The following CREB5 variants were observed in gnomAD, a reference collection of about 807,000 sequenced individuals.
The protein encoded by CREB5 is cAMP responsive element binding protein 5.
A neutral mutation model predicts 57.1 loss-of-function variants in CREB5; 19 were observed. The ratio of observed to expected loss-of-function variants is 0.33; its 90% CI spans 0.23 to 0.49. The LOEUF (loss-of-function observed/expected upper bound fraction) is 0.49. Among genes scored for constraint, CREB5 ranks in the 20% least tolerant of loss-of-function variants. The probability of loss-of-function intolerance (pLI) is 0.99; values close to 1 mark genes in which losing one functional copy is unlikely to be tolerated. For missense variants in CREB5, 579 were observed against 671.6 expected (o/e 0.86, Z 1.52); for synonymous variants, 238 against 238.3 (o/e 1.00, Z 0.01).
intron 1 of CREB5, among the ~76,000 whole-genome samples, chr7:28,414,865 T>A (rs1787965290): frequency 1.3e-5 from 2 of 152,070 alleles, no homozygotes; most frequent in Non-Finnish European, 2.9e-5. Flanking sequence ...CCACTAAAAT[T>A]TTTGAAGCTC....
At chr7:28,368,766 G>T (rs1317191324) in intron 1 of CREB5, among the ~76,000 whole-genome samples, 1 of 152,150 alleles carries the variant, frequency 6.6e-6, no homozygotes, top group Non-Finnish European at 1.5e-5. Context: ...GATTATATTG[G>T]TTGGGCCAAG....
chr7:28,540,530 T>A (rs1794164219), intron 4 of CREB5, among the ~76,000 whole-genome samples: 1 of 152,174 alleles, frequency 6.6e-6, no homozygotes, highest in South Asian at 2.1e-4. Flanking sequence ...CTGGGCTGCC[T>A]CTGCCCACAT....
At chr7:28,306,479 C>T (rs761092748) in intron 1 of CREB5, among the ~76,000 whole-genome samples, 27 of 123,672 alleles carry the variant, frequency 2.2e-4, no homozygotes, top group Non-Finnish European at 3.1e-4. Context: ...ATTTTTTGCT[C>T]ATCATGGCAC....
chr7:28,559,465 C>A (rs1794997615), intron 4 of CREB5, among the ~76,000 whole-genome samples: 1 of 152,124 alleles, frequency 6.6e-6, no homozygotes, highest in African/African-American at 2.4e-5. Context: ...CAGGCATGTG[C>A]CACCACACCC....
intron 1 of CREB5, among the ~76,000 whole-genome samples, chr7:28,329,428 T>C (rs1785671727): frequency 1.3e-5 from 2 of 152,232 alleles, no homozygotes; most frequent in African/African-American, 4.8e-5. Context: ...AAGAATAGAC[T>C]GAATTGGGGC....
At chr7:28,443,333 G>A (rs1789285859) in intron 1 of CREB5, among the ~76,000 whole-genome samples, 1 of 152,144 alleles carries the variant, frequency 6.6e-6, no homozygotes, top group Admixed American at 6.5e-5. Flanking sequence ...TTTTAATGTT[G>A]GGGGAAGCAG....
intron 5 of CREB5, among the ~76,000 whole-genome samples, chr7:28,624,003 T>TC (rs1797901293): frequency 6.6e-6 from 1 of 152,136 alleles, no homozygotes; most frequent in Non-Finnish European, 1.5e-5. Flanking sequence ...GATGACAACT[T>TC]CCTCCATTAT....
chr7:28,545,142 T>C (rs1794366266), intron 4 of CREB5, among the ~76,000 whole-genome samples: 1 of 152,132 alleles, frequency 6.6e-6, no homozygotes, highest in Non-Finnish European at 1.5e-5. Flanking sequence ...TTAGTAAAGT[T>C]CCCATTTTTG....
At chr7:28,346,273 G>A (rs1333814362) in intron 1 of CREB5, among the ~76,000 whole-genome samples, 1 of 152,248 alleles carries the variant, frequency 6.6e-6, no homozygotes, top group Non-Finnish European at 1.5e-5. Context: ...TCTGGAGGCT[G>A]AAGGTGTAAG....
chr7:28,315,952 C>T (rs1583666036), intron 1 of CREB5, among the ~76,000 whole-genome samples: 1 of 152,102 alleles, frequency 6.6e-6, no homozygotes, highest in East Asian at 1.9e-4. Context: ...GGAGACAGGT[C>T]CTGGTTTTTT....
At chr7:28,315,504 C>T (rs749926545) in intron 1 of CREB5, among the ~76,000 whole-genome samples, 10 of 152,216 alleles carry the variant, frequency 6.6e-5, no homozygotes, top group Non-Finnish European at 1.3e-4. Context: ...AAAACTTGTT[C>T]TGCAAAAGCA....
chr7:28,441,143 C>A (rs1291542273), intron 1 of CREB5, among the ~76,000 whole-genome samples: 1 of 152,132 alleles, frequency 6.6e-6, no homozygotes, highest in Non-Finnish European at 1.5e-5. Flanking sequence ...GATTTAAATA[C>A]CTTCCAGTGT....
chr7:28,601,580 G>A (rs1377544155), intron 5 of CREB5, among the ~76,000 whole-genome samples: 1 of 152,128 alleles, frequency 6.6e-6, no homozygotes, highest in African/African-American at 2.4e-5. Flanking sequence ...GTGTAGAGGA[G>A]TTAACCCACA....
intron 5 of CREB5, chr7:28,615,674 T>C (rs1317623902): frequency 6.6e-6 from 1 of 152,288 alleles, no homozygotes; most frequent in Admixed American, 6.5e-5. Context: ...AAGTCAATGA[T>C]TTTAGACTCC....
chr7:28,369,801 T>A (rs1396200455), intron 1 of CREB5, among the ~76,000 whole-genome samples: 1 of 152,144 alleles, frequency 6.6e-6, no homozygotes, highest in Non-Finnish European at 1.5e-5. Context: ...CTAAATCTAA[T>A]CTTCACCAGA....
At chr7:28,436,094 G>C (rs996262142) in intron 1 of CREB5, among the ~76,000 whole-genome samples, 3 of 132,382 alleles carry the variant, frequency 2.3e-5, no homozygotes, top group African/African-American at 8.7e-5. Flanking sequence ...CCTTTCACTG[G>C]CTTCATTAAT....
At chr7:28,815,166 A>C (rs1253661408) in intron 9 of CREB5, among the ~76,000 whole-genome samples, 2 of 152,300 alleles carry the variant, frequency 1.3e-5, no homozygotes, top group African/African-American at 2.4e-5. Context: ...CCTGCTACTC[A>C]GAAGGCTGAG....
chr7:28,379,920 C>G (rs73088544), intron 1 of CREB5, among the ~76,000 whole-genome samples: 1 of 152,132 alleles, frequency 6.6e-6, no homozygotes, highest in Non-Finnish European at 1.5e-5. Flanking sequence ...CTTTGTTTCT[C>G]GCTCTGTCAC....
chr7:28,683,880 A>AT (rs2128725661), intron 5 of CREB5, among the ~76,000 whole-genome samples: 1 of 152,284 alleles, frequency 6.6e-6, no homozygotes, highest in East Asian at 1.9e-4. Context: ...TACAGAGAAC[A>AT]TTTTCCCATT....
Sources: gnomAD v4.1 joint callset for allele counts (sites outside exome capture counted in the v4.1 genomes callset) on GRCh38, gnomAD v4.1.1 for gene constraint, MANE v1.5 for transcripts, NCBI Gene and HGNC (gene_info 2026-07-23, HGNC 2026-07-21) for gene names.